Variants in UNC80 observed in about 807,000 individuals in gnomAD.
The protein encoded by UNC80 is protein unc-80 homolog.
In UNC80, 164 loss-of-function variants were observed where a neutral mutation model predicts 384.6. That is an observed-to-expected ratio of 0.43 (90% CI 0.38 to 0.49). The LOEUF (loss-of-function observed/expected upper bound fraction) is 0.49. UNC80 is among the 20% of genes least tolerant of loss of function. The probability of loss-of-function intolerance (pLI) is 0.00; values close to 1 mark genes in which losing one functional copy is unlikely to be tolerated. For missense variants in UNC80, 3,330 were observed against 4,143.0 expected (o/e 0.80, Z 5.39); for synonymous variants, 1,486 against 1,527.8 (o/e 0.97, Z 0.64).
At chr2:209,927,394 A>G (rs1368891565) in intron 36 of UNC80, among the ~76,000 whole-genome samples, 1 of 152,218 alleles carries the variant, frequency 6.6e-6, no homozygotes, top group Non-Finnish European at 1.5e-5. Context: ...ATGAAACGAT[A>G]AACTAAGGGA....
chr2:209,818,787 A>G (rs558958655), intron 11 of UNC80, among the ~76,000 whole-genome samples: 1 of 152,326 alleles, frequency 6.6e-6, no homozygotes, highest in South Asian at 2.1e-4. Flanking sequence ...CACATTTTCT[A>G]CAATCTTTAA....
At chr2:209,880,913 AT>A in intron 24 of UNC80, 47 bp from the exon 25 acceptor site, 1 of 1,535,632 alleles carries the variant, frequency 6.5e-7, no homozygotes, top group South Asian at 1.2e-5. Context: ...GCATTTCTGT[AT>A]TTTTTGTTGA....
chr2:209,898,473 A>T (rs9808366), intron 28 of UNC80, among the ~76,000 whole-genome samples: 6,156 of 151,960 alleles, frequency 0.041, 388 homozygotes, highest in African/African-American at 0.13. Context: ...CAGATTTTTT[A>T]AAAAAAATTA....
intron 10 of UNC80, 84 bp downstream of exon 10, chr2:209,817,209 C>G: frequency 7.6e-7 from 1 of 1,312,076 alleles, no homozygotes. Context: ...AAATCTGAAT[C>G]TTTCTTGAAC....
At chr2:209,878,564 A>G (rs1471518547) in intron 24 of UNC80, among the ~76,000 whole-genome samples, 3 of 152,234 alleles carry the variant, frequency 2.0e-5, no homozygotes, top group Non-Finnish European at 2.9e-5. Flanking sequence ...AGTATTTAAC[A>G]TGACACTTAA....
chr2:209,959,047 C>T (rs1229593284), intron 49 of UNC80, 72 bp from the exon 50 acceptor site: 6 of 1,313,414 alleles, frequency 4.6e-6, no homozygotes, highest in South Asian at 1.3e-5. Context: ...ATATGAAAGT[C>T]GATAAGAAGC....
At chr2:209,774,029 C>G (rs913999208) in intron 2 of UNC80, among the ~76,000 whole-genome samples, 1 of 152,110 alleles carries the variant, frequency 6.6e-6, no homozygotes. Context: ...ACCTAAAAGT[C>G]TTTACATTGC....
intron 7 of UNC80, among the ~76,000 whole-genome samples, chr2:209,803,960 C>A (rs1385178822): frequency 6.6e-6 from 1 of 152,056 alleles, no homozygotes; most frequent in Non-Finnish European, 1.5e-5. Context: ...TGGTCTTGAA[C>A]CCCTGGCCTC....
chr2:209,881,552 A>G (rs2085290958), intron 25 of UNC80, among the ~76,000 whole-genome samples: 1 of 152,080 alleles, frequency 6.6e-6, no homozygotes, highest in African/African-American at 2.4e-5. Flanking sequence ...AAATCCCCAA[A>G]CGTACATTGT....
chr2:209,775,784 C>T (rs1419811170), intron 2 of UNC80, 105 bp from the exon 3 acceptor site: 1 of 1,161,152 alleles, frequency 8.6e-7, no homozygotes, highest in East Asian at 2.4e-5. Flanking sequence ...TTAAGGGGTA[C>T]AGTACCTTGC....
At chr2:209,894,554 A>G (rs2086635967) in intron 27 of UNC80, among the ~76,000 whole-genome samples, 188 bp downstream of exon 27, 2 of 152,174 alleles carry the variant, frequency 1.3e-5, no homozygotes, top group Admixed American at 1.3e-4. Flanking sequence ...CTTGATGTGC[A>G]TATGGGTCAC....
intron 25 of UNC80, among the ~76,000 whole-genome samples, chr2:209,882,654 G>A (rs752250572): frequency 1.6e-4 from 25 of 152,034 alleles, no homozygotes; most frequent in Admixed American, 3.3e-4. Flanking sequence ...TCAAATCAAG[G>A]CCACCACTCA....
rs193073284 is a variant in UNC80 at position 209,997,875 on chromosome 2, A to G, written c.*2280A>G. The G allele has an allele frequency of 2.2e-4, 34 of 152,282 alleles. No homozygotes were observed. The highest frequency in any genetic ancestry group is 7.2e-4 in the African/African-American group (30 of 41,558). 9.4% of individuals were successfully genotyped at this position (152,282 alleles called of 1,614,324 possible). Reference sequence around the variant, plus strand: ...TATGTGTAATGGCTAAAGTATCTATATGTATGTGCATAAAACTGTCACAAG... The same window carrying G: ...TATGTGTAATGGCTAAAGTATCTATGTGTATGTGCATAAAACTGTCACAAG... On this transcript the variant is annotated 3_prime_UTR_variant, in exon 65 of 65. Transcript: ENST00000673920.
In UNC80 at chr2:209,856,487, G is replaced by C. The variant is rs533994590; in HGVS notation, c.3627+6864G>C. Among the ~76,000 whole-genome samples the C allele has an allele frequency of 4.3e-4, 65 of 151,928 alleles. 1 individual carries two copies. Among genetic ancestry groups the C allele is most frequent in the Non-Finnish European group, 6.6e-4 (45 of 67,946 alleles). On this transcript the variant is annotated intron_variant, in intron 22 of 64. Coordinates refer to ENST00000673920, the MANE Select transcript of UNC80 (RefSeq NM_001371986.1). ...ATTATCCTTCATGGCTAGCACTTCT[G>C]TCTTGAAATTCCAAGGTAGCAAAGA...
At chr2:209,820,016 C>T (rs1226106354) in intron 12 of UNC80, among the ~76,000 whole-genome samples, 2 of 152,184 alleles carry the variant, frequency 1.3e-5, no homozygotes, top group South Asian at 2.1e-4. Flanking sequence ...CTCTCATTAA[C>T]TCACTGTGCT....
At chr2:209,796,479 G>C (rs1165097972) in intron 7 of UNC80, 1 of 152,184 alleles carries the variant, frequency 6.6e-6, no homozygotes, top group Non-Finnish European at 1.5e-5. Flanking sequence ...GAGGATATGA[G>C]ACTTGGAGGC....
chr2:209,971,755 A>G (rs78467241), intron 54 of UNC80, among the ~76,000 whole-genome samples: 4,005 of 152,366 alleles, frequency 0.026, 113 homozygotes, highest in South Asian at 0.14. Flanking sequence ...TACAAAGATC[A>G]CATATTTCTT....
chr2:209,834,873 C>G lies in UNC80; in HGVS notation c.2943-39C>G, dbSNP rs545108010. On this transcript the variant is annotated intron_variant, in intron 17 of 64. Transcript: ENST00000673920. ...GTATGAAGTATTAAGACTTGCTATC[C>G]TGCTCTGCTGTAATTGTTGGAATGC... 4.0e-6 allele frequency: 6 copies of G among 1,490,076 alleles called. No individual in the cohort carries two copies. The South Asian group carries it at 7.3e-5, about 18-fold the overall frequency. The allele number at this position is 1,490,076 out of a possible 1,614,324, so 92.3% of individuals were successfully genotyped here.
chr2:209,887,993 A>T, intron 25 of UNC80, 102 bp from the exon 26 acceptor site: 1 of 1,098,650 alleles, frequency 9.1e-7, no homozygotes. Context: ...CTGGCTGTTT[A>T]AACGCAGTTG....
Sources: gnomAD v4.1 joint callset for allele counts (sites outside exome capture counted in the v4.1 genomes callset) on GRCh38, gnomAD v4.1.1 for gene constraint, MANE v1.5 for transcripts, NCBI Gene and HGNC (gene_info 2026-07-23, HGNC 2026-07-21) for gene names.